ELFN1: variants seen among roughly 807,000 people sequenced by gnomAD.
The protein encoded by ELFN1 is protein ELFN1.
ELFN1 carries 6 observed loss-of-function variants against 7.6 expected under a neutral mutation model. That is an observed-to-expected ratio of 0.79 (90% CI 0.43 to 1.56). ELFN1 has a LOEUF of 1.56. Ranked by LOEUF, ELFN1 falls within the 40% of genes most tolerant of loss-of-function variation. The pLI, the probability that ELFN1 is intolerant of heterozygous loss-of-function variation, is 0.01. For missense variants in ELFN1, 1,169 were observed against 1,232.2 expected (o/e 0.95, Z 0.77); for synonymous variants, 657 against 588.1 (o/e 1.12, Z -1.70).
chr7:1,696,982 C>T (rs1262981516), intron 2 of ELFN1, among the ~76,000 whole-genome samples: 1 of 152,246 alleles, frequency 6.6e-6, no homozygotes, highest in African/African-American at 2.4e-5. Flanking sequence ...CGTCCCCTTT[C>T]AGTGGGGCAG....
At chr7:1,713,760 C>T (rs1001502525) in intron 3 of ELFN1, among the ~76,000 whole-genome samples, 1 of 152,140 alleles carries the variant, frequency 6.6e-6, no homozygotes, top group East Asian at 1.9e-4. Flanking sequence ...GAGGGGGGGG[C>T]GATGTCCTTG....
At chr7:1,697,524 C>T (rs1045228023) in intron 2 of ELFN1, among the ~76,000 whole-genome samples, 3 of 152,262 alleles carry the variant, frequency 2.0e-5, no homozygotes, top group Non-Finnish European at 4.4e-5. Flanking sequence ...TGTTTAGGGT[C>T]TGGGTTCCCA....
intron 2 of ELFN1, chr7:1,693,476 T>TG (rs1246086271): frequency 4.2e-6 from 2 of 471,018 alleles, no homozygotes; most frequent in African/African-American, 4.0e-5. Context: ...GACAGGTGCG[T>TG]GCCGCAGGGA....
intron 3 of ELFN1, among the ~76,000 whole-genome samples, chr7:1,717,494 T>C (rs1266718639): frequency 6.6e-6 from 1 of 152,150 alleles, no homozygotes; most frequent in Non-Finnish European, 1.5e-5. Flanking sequence ...GCTACGGTCC[T>C]ACTGTGTGCT....
intron 2 of ELFN1, among the ~76,000 whole-genome samples, chr7:1,689,447 C>T (rs1436865571): frequency 2.0e-5 from 3 of 152,152 alleles, no homozygotes; most frequent in Non-Finnish European, 4.4e-5. Flanking sequence ...AGTCCCCAAG[C>T]CACTGGTTGC....
intron 3 of ELFN1, among the ~76,000 whole-genome samples, chr7:1,737,705 G>A (rs1780489323): frequency 6.6e-6 from 1 of 152,066 alleles, no homozygotes; most frequent in African/African-American, 2.4e-5. Context: ...CCTGCTGATG[G>A]GGGGCTCACT....
intron 3 of ELFN1, among the ~76,000 whole-genome samples, chr7:1,723,205 T>G (rs1780076996): frequency 1.3e-5 from 2 of 152,268 alleles, no homozygotes; most frequent in African/African-American, 4.8e-5. Flanking sequence ...AAAAAAAATT[T>G]TTTTTCATAG....
At chr7:1,724,475 A>G (rs77024767) in intron 3 of ELFN1, among the ~76,000 whole-genome samples, 1 of 151,904 alleles carries the variant, frequency 6.6e-6, no homozygotes, top group Non-Finnish European at 1.5e-5. Context: ...ACTTGTGGAG[A>G]TGAATTTGAC....
intron 3 of ELFN1, among the ~76,000 whole-genome samples, chr7:1,724,941 C>A (rs1351680039): frequency 6.6e-6 from 1 of 152,220 alleles, no homozygotes; most frequent in African/African-American, 2.4e-5. Context: ...CTGGCCCTGC[C>A]CTGATGTGAG....
chr7:1,725,013 A>G lies in ELFN1; in HGVS notation c.-294+15761A>G, dbSNP rs1780147410. Among the ~76,000 whole-genome samples the G allele has an allele frequency of 2.6e-5, 4 of 152,192 alleles. 1 individual carries two copies. The highest frequency in any genetic ancestry group is 2.6e-4 in the Admixed American group (4 of 15,286). The stretch of plus-strand genomic sequence containing the variant: ...TGGCGAGGCCCCTGTGGGGAGGGGC[A>G]CAGCCCAGGAGGCAGAACAAGGTGT... On this transcript the variant is annotated intron_variant, in intron 3 of 3. Transcript: ENST00000424383.
chr7:1,746,598 A>G lies in ELFN1; in HGVS notation c.2002A>G (p.Lys668Glu). 7.4e-7 allele frequency: 1 copy of G among 1,348,260 alleles called. No individual in the cohort carries two copies. Among genetic ancestry groups the G allele is most frequent in the Non-Finnish European group, 9.5e-7 (1 of 1,054,228 alleles). The allele number at this position is 1,348,260 out of a possible 1,614,324, so 83.5% of individuals were successfully genotyped here. ...GVHKAAAAEA[K>E]YIEKGSPAAD... ...GCACAAGGCCGCGGCCGCCGAGGCC[A>G]AGTACATCGAGAAGGGCTCCCCCGC... The change falls in exon 4 of 4, where the codon AAG becomes GAG. Residue 668 changes from lysine to glutamate, a missense_variant. Coordinates refer to ENST00000424383, the MANE Select transcript of ELFN1 (RefSeq NM_001128636.4).
chr7:1,740,149 C>T lies in ELFN1; in HGVS notation c.-293-4155C>T, dbSNP rs993911019. On this transcript the variant is annotated intron_variant, in intron 3 of 3. Transcript: ENST00000424383. This position sits in a 1 kb window ranked among gnomAD's most constrained non-coding sequence, Gnocchi z 5.0. Reference sequence around the variant, plus strand: ...TATCAGACCTGAGGGGTGCCCATTCCAGAGGCGCCACGGCCTCTGTGTCTC... The same window carrying T: ...TATCAGACCTGAGGGGTGCCCATTCTAGAGGCGCCACGGCCTCTGTGTCTC... Among the ~76,000 whole-genome samples, 24 of 152,312 alleles carry T rather than the reference C, an allele frequency of 1.6e-4. No individual in the cohort carries two copies. Among genetic ancestry groups the T allele is most frequent in the African/African-American group, 5.8e-4 (24 of 41,572 alleles).
intron 3 of ELFN1, among the ~76,000 whole-genome samples, chr7:1,711,621 A>AGAGAGAAT (rs1779660199): frequency 7.6e-6 from 1 of 132,028 alleles, no homozygotes; most frequent in Non-Finnish European, 1.7e-5. Context: ...AGAGAGAGAG[A>AGAGAGAAT]GAGAGAATGA....
chr7:1,667,871 C>G (rs1275587671), upstream of ELFN1, among the ~76,000 whole-genome samples: 2 of 151,396 alleles, frequency 1.3e-5, no homozygotes, highest in African/African-American at 4.9e-5. The surrounding 1 kb of genome is among the most constrained non-coding windows in gnomAD (Gnocchi z 8.2). Context: ...CGGGTAACAG[C>G]AGGCCGCCAA....
chr7:1,693,861 GC>G, intron 2 of ELFN1: 1 of 448,168 alleles, frequency 2.2e-6, no homozygotes, highest in Non-Finnish European at 4.7e-6. Flanking sequence ...AGAGGCTCCA[GC>G]AGGAGTGAGA....
chr7:1,699,040 T>C (rs547041045), intron 2 of ELFN1, among the ~76,000 whole-genome samples: 1 of 152,330 alleles, frequency 6.6e-6, no homozygotes, highest in Admixed American at 6.5e-5. Flanking sequence ...GAAGCATCCA[T>C]TATATACACA....
intron 3 of ELFN1, among the ~76,000 whole-genome samples, chr7:1,728,437 G>C (rs1435525291): frequency 1.3e-5 from 2 of 152,250 alleles, no homozygotes; most frequent in African/African-American, 2.4e-5. Context: ...TTGCAGAGCT[G>C]GCTGGGCGAG....
chr7:1,746,753 CG>C lies in ELFN1; in HGVS notation c.2160del (p.Pro721HisfsTer40). The C allele has an allele frequency of 6.7e-7, 1 of 1,499,888 alleles. No individual in the cohort carries two copies. Among genetic ancestry groups the C allele is most frequent in the Non-Finnish European group, 8.8e-7 (1 of 1,131,196 alleles). The allele number at this position is 1,499,888 out of a possible 1,614,324, so 92.9% of individuals were successfully genotyped here. On this transcript the variant is annotated frameshift_variant, in exon 4 of 4. Coordinates refer to ENST00000424383, the MANE Select transcript of ELFN1 (RefSeq NM_001128636.4). LOFTEE classifies it low-confidence loss of function (END_TRUNC). ...SHPAEPPAPP[G>X]PPPPPPHEGL... ...ACCCGGCCGAGCCACCTGCGCCCCC[CG>C]GGCCACCGCCGCCGCCTCCGCACGA...
In ELFN1 at chr7:1,744,493, G is replaced by A; in HGVS notation, c.-104G>A. 1 of 1,301,872 alleles carries A rather than the reference G, an allele frequency of 7.7e-7. No individual in the cohort carries two copies. Among genetic ancestry groups the A allele is most frequent in the Non-Finnish European group, 1.0e-6 (1 of 985,796 alleles). 80.6% of individuals were successfully genotyped at this position (1,301,872 alleles called of 1,614,324 possible). A position where few individuals can be genotyped will look rare whatever the true frequency, so the allele number is the denominator to read the frequency against. On this transcript the variant is annotated 5_prime_UTR_variant, in exon 4 of 4. Coordinates refer to ENST00000424383, the MANE Select transcript of ELFN1 (RefSeq NM_001128636.4). ...GGACAGGACACCCCTGAGAGTGCAG[G>A]CACCTCCCCCTCCCGCCCCTCCATC... is the stretch of plus-strand genomic sequence containing the variant.
Sources: gnomAD v4.1 joint callset for allele counts (sites outside exome capture counted in the v4.1 genomes callset) on GRCh38, gnomAD v4.1.1 for gene constraint, Gnocchi (gnomAD v3.1) non-coding constraint, MANE v1.5 for transcripts, NCBI Gene and HGNC (gene_info 2026-07-23, HGNC 2026-07-21) for gene names.